The following ITPR1 variants were observed in gnomAD, a reference collection of about 807,000 sequenced individuals.
ITPR1 encodes the protein inositol 1,4,5-trisphosphate receptor type 1.
A neutral mutation model predicts 318.4 loss-of-function variants in ITPR1; 96 were observed. That is an observed-to-expected ratio of 0.30 (90% CI 0.26 to 0.36). The LOEUF is 0.36. ITPR1 is among the 10% of genes least tolerant of loss of function. ITPR1 has a pLI of 1.00. For missense variants in ITPR1, 2,440 were observed against 3,460.2 expected (o/e 0.71, Z 7.40); for synonymous variants, 1,312 against 1,289.9 (o/e 1.02, Z -0.37).
chr3:4,839,296 C>T (rs2051164991), intron 61 of ITPR1, among the ~76,000 whole-genome samples: 1 of 151,688 alleles, frequency 6.6e-6, no homozygotes, highest in African/African-American at 2.4e-5. Context: ...CACTGCACTC[C>T]AGCCTGGGCA....
chr3:4,790,075 T>G (rs2047456740), intron 52 of ITPR1, among the ~76,000 whole-genome samples: 1 of 152,240 alleles, frequency 6.6e-6, no homozygotes, highest in Admixed American at 6.5e-5. Flanking sequence ...TGTATGTATT[T>G]TATAGGTTCT....
chr3:4,814,375 T>A (rs73807164), intron 57 of ITPR1, 48 bp from the exon 58 acceptor site: 2 of 1,606,836 alleles, frequency 1.2e-6, no homozygotes, highest in African/African-American at 1.3e-5. Context: ...TCCCGGTCTC[T>A]CTTTTCTCCT....
At chr3:4,565,030 A>AT (rs1025665024) in intron 4 of ITPR1, among the ~76,000 whole-genome samples, 29 of 152,252 alleles carry the variant, frequency 1.9e-4, no homozygotes, top group African/African-American at 7.0e-4. Flanking sequence ...TGTTTAACCC[A>AT]TTTTTTGCTC....
At chr3:4,656,495 G>C (rs2093711774) in intron 12 of ITPR1, among the ~76,000 whole-genome samples, 1 of 152,198 alleles carries the variant, frequency 6.6e-6, no homozygotes, top group Admixed American at 6.5e-5. Flanking sequence ...AGGGTCTGGG[G>C]TTTGTGCAAG....
chr3:4,742,368 A>C (rs141212637), intron 44 of ITPR1, among the ~76,000 whole-genome samples: 61 of 152,282 alleles, frequency 4.0e-4, no homozygotes, highest in African/African-American at 6.7e-4. Flanking sequence ...AGACAAGTGG[A>C]GCTGCTGCCA....
intron 48 of ITPR1, 53 bp downstream of exon 48, chr3:4,777,427 G>A (rs1283638581): frequency 8.5e-7 from 1 of 1,173,418 alleles, no homozygotes; most frequent in Non-Finnish European, 1.2e-6. Context: ...TCACTTTTGT[G>A]TTTTGCCTTG....
intron 52 of ITPR1, among the ~76,000 whole-genome samples, chr3:4,794,705 C>T (rs1018213909): frequency 3.3e-5 from 5 of 152,180 alleles, no homozygotes; most frequent in Non-Finnish European, 7.3e-5. Context: ...CATCTGGTCC[C>T]AGAGCCCTAG....
intron 41 of ITPR1, 51 bp downstream of exon 41, chr3:4,725,632 C>G (rs868707753): frequency 2.0e-6 from 3 of 1,485,582 alleles, no homozygotes; most frequent in Middle Eastern, 3.4e-4. Flanking sequence ...ATATGGATGC[C>G]TCTCAGTTGT....
intron 55 of ITPR1, among the ~76,000 whole-genome samples, chr3:4,806,596 C>T (rs1043366540): frequency 5.3e-5 from 8 of 152,262 alleles, no homozygotes; most frequent in South Asian, 4.1e-4. Context: ...TAGACTCAGC[C>T]GCACTTACAC....
At chr3:4,556,086 A>G (rs936707213) in intron 4 of ITPR1, among the ~76,000 whole-genome samples, 8 of 152,188 alleles carry the variant, frequency 5.3e-5, no homozygotes, top group African/African-American at 1.9e-4. Flanking sequence ...ATTATCAAAG[A>G]AACATTTTTT....
chr3:4,663,303 G>A (rs1015124441), intron 16 of ITPR1, 97 bp downstream of exon 16: 11 of 1,115,740 alleles, frequency 9.9e-6, no homozygotes, highest in East Asian at 2.6e-5. Context: ...TTGGGAAGCC[G>A]AGGTGGGAGG....
chr3:4,818,874 C>T (rs1055839612), intron 60 of ITPR1, among the ~76,000 whole-genome samples: 5 of 152,266 alleles, frequency 3.3e-5, no homozygotes, highest in South Asian at 2.1e-4. Flanking sequence ...ACCAAACGTG[C>T]GCTGTGGGTG....
At chr3:4,516,897 A>G (rs867658376) in intron 3 of ITPR1, among the ~76,000 whole-genome samples, 6 of 152,230 alleles carry the variant, frequency 3.9e-5, no homozygotes, top group African/African-American at 1.4e-4. Context: ...TAAATGGAAT[A>G]AAGTGTAAAG....
intron 32 of ITPR1, among the ~76,000 whole-genome samples, chr3:4,691,989 C>G (rs1161583055): frequency 6.6e-6 from 1 of 151,892 alleles, no homozygotes. Context: ...CTTGTTTCTA[C>G]AAAAAATTTT....
chr3:4,642,806 T>G (rs1387391075), intron 7 of ITPR1, among the ~76,000 whole-genome samples: 1 of 152,182 alleles, frequency 6.6e-6, no homozygotes, highest in Admixed American at 6.5e-5. Flanking sequence ...CAGGGAGACT[T>G]AGAGCAGTCC....
intron 4 of ITPR1, among the ~76,000 whole-genome samples, chr3:4,604,518 G>A (rs2091549696): frequency 2.0e-5 from 3 of 152,188 alleles, no homozygotes; most frequent in Non-Finnish European, 4.4e-5. Flanking sequence ...TGTGGGATCA[G>A]CGAGGAGATG....
chr3:4,568,736 C>T (rs190670239), intron 4 of ITPR1, among the ~76,000 whole-genome samples: 54 of 152,196 alleles, frequency 3.5e-4, no homozygotes, highest in South Asian at 3.3e-3. Flanking sequence ...AGGTGTCAGG[C>T]GGATATGGTT....
At chr3:4,608,094 T>G (rs1319485670) in intron 4 of ITPR1, among the ~76,000 whole-genome samples, 1 of 152,166 alleles carries the variant, frequency 6.6e-6, no homozygotes, top group Non-Finnish European at 1.5e-5. Context: ...AAGGGCAGTT[T>G]GAAGGTTAAC....
At chr3:4,703,340 C>A (rs77877365) in intron 36 of ITPR1, among the ~76,000 whole-genome samples, 2 of 152,308 alleles carry the variant, frequency 1.3e-5, no homozygotes, top group East Asian at 3.9e-4. Context: ...GCACCTGTCA[C>A]ATCCTAAGGA....
Sources: allele counts gnomAD v4.1 joint callset (sites outside exome capture counted in the v4.1 genomes callset), GRCh38; gene constraint gnomAD v4.1.1; transcripts MANE v1.5; gene names NCBI Gene and HGNC (gene_info 2026-07-23, HGNC 2026-07-21).